Variants in RSU1 observed in about 807,000 individuals in gnomAD.
RSU1 encodes Ras suppressor protein 1.
A neutral mutation model predicts 31.1 loss-of-function variants in RSU1; 26 were observed. The ratio of observed to expected loss-of-function variants is 0.84; its 90% CI spans 0.61 to 1.16. The LOEUF (loss-of-function observed/expected upper bound fraction) is 1.16, where lower values mean the gene tolerates loss of function less well. RSU1 is among the 50% of genes most tolerant of loss of function. The pLI, the probability that RSU1 is intolerant of heterozygous loss-of-function variation, is 0.00. For missense variants in RSU1, 320 were observed against 339.1 expected, an observed-to-expected ratio of 0.94 and a Z score of 0.44; for synonymous variants, 164 against 136.3, an observed-to-expected ratio of 1.20 and a Z score of -1.41.
intron 7 of RSU1, among the ~76,000 whole-genome samples, chr10:16,725,187 T>G (rs1588495579): frequency 1.3e-5 from 2 of 151,948 alleles, no homozygotes; most frequent in Non-Finnish European, 2.9e-5. Flanking sequence ...ATAAATATAG[T>G]AGAGATGGGA....
At chr10:16,795,062 T>C (rs1364932036) in intron 2 of RSU1, among the ~76,000 whole-genome samples, 3 of 152,182 alleles carry the variant, frequency 2.0e-5, no homozygotes, top group Non-Finnish European at 4.4e-5. Flanking sequence ...GAATCAAAAA[T>C]GTTAGAACAG....
Position 16,702,562 on chromosome 10 carries a change from T to C in RSU1, c.599-7407A>G, listed in dbSNP as rs148113625. Reference sequence around the variant, plus strand: ...ATAATTTTGATGTCTTAAGATTTAATGACTGCCGTGCTGGGTTTTGAACTT... The same window carrying C: ...ATAATTTTGATGTCTTAAGATTTAACGACTGCCGTGCTGGGTTTTGAACTT... On this transcript the variant is annotated intron_variant, in intron 7 of 8. Transcript: ENST00000345264. Among the ~76,000 whole-genome samples the C allele has an allele frequency of 2.0e-3, 302 of 152,394 alleles. 1 individual carries two copies. The Middle Eastern group carries it at 0.024, about 12-fold the overall frequency.
At chr10:16,689,243 G>C (rs1835496734) in intron 8 of RSU1, among the ~76,000 whole-genome samples, 7 of 152,162 alleles carry the variant, frequency 4.6e-5, no homozygotes, top group Admixed American at 4.6e-4. Context: ...AAAATCACCT[G>C]CTAGCTCTGT....
At chr10:16,738,458 A>C (rs1317113125) in intron 7 of RSU1, among the ~76,000 whole-genome samples, 3 of 152,322 alleles carry the variant, frequency 2.0e-5, no homozygotes, top group East Asian at 3.9e-4. Context: ...CTCAAAAAAA[A>C]AGAAGAAAAA....
chr10:16,711,817 G>A lies in RSU1; in HGVS notation c.599-16662C>T, dbSNP rs552811549. 5.3e-5 allele frequency among the ~76,000 whole-genome samples: 8 copies of A among 152,260 alleles called. No homozygotes were observed. In the East Asian group the frequency reaches 1.2e-3, roughly 22 times the overall value. On this transcript the variant is annotated intron_variant, in intron 7 of 8. Coordinates refer to ENST00000345264, the MANE Select transcript of RSU1 (RefSeq NM_012425.4). ...TGTGGCCTAGCATGTGCTCTATCCT[G>A]GAGAATGTTTCATGTGTAATTGAGA...
chr10:16,721,340 C>G (rs926099000), intron 7 of RSU1: 4 of 152,478 alleles, frequency 2.6e-5, no homozygotes, highest in East Asian at 3.9e-4. Context: ...GAGATGAGTC[C>G]AGAGAGGCAG....
intron 7 of RSU1, among the ~76,000 whole-genome samples, chr10:16,718,838 G>A (rs1023185322): frequency 1.3e-4 from 19 of 151,856 alleles, no homozygotes; most frequent in African/African-American, 2.7e-4. Flanking sequence ...ATAATTAGCC[G>A]GGCATGGTGG....
intron 3 of RSU1, among the ~76,000 whole-genome samples, chr10:16,767,018 T>A (rs1406162580): frequency 7.2e-6 from 1 of 138,774 alleles, no homozygotes; most frequent in Admixed American, 6.9e-5. Context: ...TGAAACTCTA[T>A]GTCCAAAAAA....
At chr10:16,710,197 T>C (rs961533351) in intron 7 of RSU1, among the ~76,000 whole-genome samples, 2 of 152,208 alleles carry the variant, frequency 1.3e-5, no homozygotes, top group African/African-American at 2.4e-5. Flanking sequence ...CCATAACTAA[T>C]TTGTTGAGTT....
At chr10:16,714,055 T>C (rs77728380) in intron 7 of RSU1, among the ~76,000 whole-genome samples, 6,104 of 152,204 alleles carry the variant, frequency 0.04, 416 homozygotes, top group African/African-American at 0.14. Flanking sequence ...GGCTGGCTGT[T>C]GGGCTGAATA....
intron 2 of RSU1, among the ~76,000 whole-genome samples, chr10:16,784,954 A>C (rs1002849619): frequency 6.6e-6 from 1 of 152,178 alleles, no homozygotes; most frequent in Non-Finnish European, 1.5e-5. Context: ...ACACACTCTT[A>C]AACAACTAGA....
chr10:16,761,849 C>G (rs1247610179), intron 4 of RSU1, among the ~76,000 whole-genome samples: 4 of 152,084 alleles, frequency 2.6e-5, no homozygotes. Context: ...GAGTGAGACT[C>G]TGTCTCAAAA....
chr10:16,645,220 C>T (rs891539086), intron 8 of RSU1, among the ~76,000 whole-genome samples: 17 of 152,142 alleles, frequency 1.1e-4, no homozygotes, highest in Non-Finnish European at 2.4e-4. Flanking sequence ...GTGAAGGTCA[C>T]TTCTACTCTC....
chr10:16,739,626 T>C (rs1836713400), intron 7 of RSU1, among the ~76,000 whole-genome samples: 1 of 151,822 alleles, frequency 6.6e-6, no homozygotes, highest in African/African-American at 2.4e-5. Flanking sequence ...TTTCTTTCTT[T>C]CTTTCTTTTG....
rs573395790 is a variant in RSU1 at position 16,667,009 on chromosome 10, A to G, written c.731+28014T>C. ...GTGAGACTCCGCATCAAAAAAAACC[A>G]AACCAAAACAAAGCAAAACAAACAA... On this transcript the variant is annotated intron_variant, in intron 8 of 8. Coordinates refer to ENST00000345264, the MANE Select transcript of RSU1 (RefSeq NM_012425.4). Among the ~76,000 whole-genome samples the G allele has an allele frequency of 5.3e-5, 8 of 151,244 alleles. No individual in the cohort carries two copies. In the East Asian group the frequency reaches 1.4e-3, roughly 26 times the overall value.
intron 7 of RSU1, among the ~76,000 whole-genome samples, chr10:16,711,112 T>C (rs1836008524): frequency 6.6e-6 from 1 of 152,206 alleles, no homozygotes; most frequent in Non-Finnish European, 1.5e-5. Flanking sequence ...TGTTCAGATC[T>C]TTAATTTCTT....
intron 2 of RSU1, among the ~76,000 whole-genome samples, chr10:16,800,280 T>C (rs966488598): frequency 6.6e-6 from 1 of 152,198 alleles, no homozygotes; most frequent in African/African-American, 2.4e-5. Flanking sequence ...TATTTTACAG[T>C]TATCTGACTG....
chr10:16,719,840 A>G (rs1836218902), intron 7 of RSU1, among the ~76,000 whole-genome samples: 1 of 152,234 alleles, frequency 6.6e-6, no homozygotes, highest in South Asian at 2.1e-4. Context: ...AGAAAACAAA[A>G]ATGTTTGCCT....
intron 8 of RSU1, among the ~76,000 whole-genome samples, chr10:16,637,812 T>C (rs1433447443): frequency 2.0e-5 from 3 of 149,554 alleles, no homozygotes; most frequent in Admixed American, 2.0e-4. Context: ...CAATTAGTAA[T>C]ATGGATCCTC....
Sources: gnomAD v4.1 joint callset for allele counts (sites outside exome capture counted in the v4.1 genomes callset) on GRCh38, gnomAD v4.1.1 for gene constraint, MANE v1.5 for transcripts, NCBI Gene and HGNC (gene_info 2026-07-23, HGNC 2026-07-21) for gene names.